Variants in EPHA5 observed in about 807,000 individuals in gnomAD.
EPHA5 encodes the protein ephrin type-A receptor 5.
EPHA5 carries 60 observed loss-of-function variants against 105.0 expected under a neutral mutation model. The ratio of observed to expected loss-of-function variants is 0.57; its 90% CI spans 0.46 to 0.71. The LOEUF (loss-of-function observed/expected upper bound fraction) is 0.71. EPHA5 is among the 30% of genes least tolerant of loss of function. EPHA5 has a pLI of 0.00. For synonymous variants in EPHA5, 513 were observed against 449.1 expected, an observed-to-expected ratio of 1.14 and a Z score of -1.80; for missense variants, 1,218 against 1,274.7, an observed-to-expected ratio of 0.96 and a Z score of 0.68.
intron 14 of EPHA5, among the ~76,000 whole-genome samples, chr4:65,339,663 ATAATTGCT>A (rs1721518745): frequency 6.6e-6 from 1 of 152,138 alleles, no homozygotes; most frequent in Admixed American, 6.5e-5. Context: ...AACAGGTAAG[ATAATTGCT>A]TATTTGCTTA....
Position 65,369,766 on chromosome 4 carries a change from A to C in EPHA5, c.1794-2342T>G, listed in dbSNP as rs1718274277. On this transcript the variant is annotated intron_variant, in intron 8 of 16. Coordinates refer to ENST00000613740, the MANE Select transcript of EPHA5 (RefSeq NM_001281766.3). ...GCAGATCCACGAGGTCAGGAGTTTG[A>C]AACCAGCCTGGCCAACACAGTGAAA... 2.0e-5 allele frequency among the ~76,000 whole-genome samples: 3 copies of C among 152,226 alleles called. No homozygotes were observed. The South Asian group carries it at 6.2e-4, about 32-fold the overall frequency.
chr4:65,490,738 A>AT, intron 4 of EPHA5, 26 bp from the exon 5 acceptor site: 1 of 1,600,288 alleles, frequency 6.2e-7, no homozygotes, highest in Non-Finnish European at 8.5e-7. Flanking sequence ...AAGTAAGAAA[A>AT]ACATATTTTA....
intron 13 of EPHA5, among the ~76,000 whole-genome samples, chr4:65,350,710 TATCA>T (rs1380425708): frequency 6.6e-6 from 1 of 152,102 alleles, no homozygotes; most frequent in Non-Finnish European, 1.5e-5. Context: ...TTATATACCA[TATCA>T]ATACAGCAAG....
At chr4:65,452,471 A>T (rs369319553) in intron 5 of EPHA5, among the ~76,000 whole-genome samples, 1 of 152,074 alleles carries the variant, frequency 6.6e-6, no homozygotes, top group East Asian at 1.9e-4. Context: ...ACATAAACAC[A>T]CACACTCCAG....
At chr4:65,460,570 C>G (rs1437394796) in intron 5 of EPHA5, among the ~76,000 whole-genome samples, 1 of 151,010 alleles carries the variant, frequency 6.6e-6, no homozygotes, top group Non-Finnish European at 1.5e-5. Context: ...GTAAAAAAGT[C>G]AAAAGTATAT....
At chr4:65,666,945 CT>C (rs886125483) in intron 1 of EPHA5, among the ~76,000 whole-genome samples, 2 of 152,030 alleles carry the variant, frequency 1.3e-5, no homozygotes, top group African/African-American at 2.4e-5. Context: ...TGTTTTAAAA[CT>C]TTTTTTCACA....
chr4:65,436,767 C>T (rs1037320108), intron 5 of EPHA5, among the ~76,000 whole-genome samples: 8 of 152,098 alleles, frequency 5.3e-5, no homozygotes, highest in African/African-American at 1.9e-4. Flanking sequence ...CATGAGACCA[C>T]TTATCCATCA....
chr4:65,624,756 G>C (rs1302108447), intron 2 of EPHA5, among the ~76,000 whole-genome samples: 1 of 152,104 alleles, frequency 6.6e-6, no homozygotes, highest in Non-Finnish European at 1.5e-5. Flanking sequence ...TCTTGATGTT[G>C]ACCCAGGAAC....
chr4:65,450,274 CAA>C (rs1290130825), intron 5 of EPHA5, among the ~76,000 whole-genome samples: 1 of 152,072 alleles, frequency 6.6e-6, no homozygotes, highest in Non-Finnish European at 1.5e-5. Flanking sequence ...ATTTAGAAAA[CAA>C]AAGCATTTAA....
rs765154417 is a variant in EPHA5, at chr4:65,420,575, A to C, written c.1403-10T>G. The C allele has an allele frequency of 6.2e-7, 1 of 1,611,500 alleles. No individual in the cohort carries two copies. The highest frequency in any genetic ancestry group is 8.5e-7 in the Non-Finnish European group (1 of 1,178,902). ...GTGACTGGAGATGGAGCTGCAAAAT[A>C]GTTTAAATAAGGAGCAGTATGATTA... is the stretch of plus-strand genomic sequence containing the variant. On this transcript the variant is annotated splice_polypyrimidine_tract_variant and intron_variant, in intron 5 of 16. Coordinates refer to ENST00000613740, the MANE Select transcript of EPHA5 (RefSeq NM_001281766.3).
intron 8 of EPHA5, among the ~76,000 whole-genome samples, chr4:65,372,519 C>CATAG (rs1192969564): frequency 6.6e-6 from 1 of 151,740 alleles, no homozygotes; most frequent in Non-Finnish European, 1.5e-5. Flanking sequence ...TTGGGTTCTT[C>CATAG]ATAGATAGAT....
In EPHA5 at chr4:65,602,080, C is replaced by T. The variant is rs568157878; in HGVS notation, c.471G>A (p.Glu157=). ...CKETFNMYYF[E]SDDQNGRNIK... is the part of the protein sequence containing the mutation. ...TGTTTCTCCCATTCTGATCATCTGA[C>T]TCAAAGTAATACATATTAAAGGTTT... The change falls in exon 3 of 17, where the codon GAG becomes GAA. Residue 157 remains glutamate (E), a synonymous_variant. Coordinates refer to ENST00000613740, the MANE Select transcript of EPHA5 (RefSeq NM_001281766.3). 6.2e-7 allele frequency: 1 copy of T among 1,613,990 alleles called. No homozygotes were observed. Among genetic ancestry groups the T allele is most frequent in the African/African-American group, 1.3e-5 (1 of 74,912 alleles).
In EPHA5 at chr4:65,603,960, G is replaced by A. The variant is rs1160631262; in HGVS notation, c.247-1656C>T. Among the ~76,000 whole-genome samples the A allele has an allele frequency of 4.0e-5, 6 of 151,846 alleles. No homozygotes were observed. In the South Asian group the frequency reaches 1.2e-3, roughly 32 times the overall value. ...ATTATGATCAATATTTCATGCAAAA[G>A]AATATGTCAACTAACCAAATAAAAT... On this transcript the variant is annotated intron_variant, in intron 2 of 16. Transcript: ENST00000613740.
intron 1 of EPHA5, among the ~76,000 whole-genome samples, chr4:65,655,895 T>A (rs1749011924): frequency 6.6e-6 from 1 of 152,042 alleles, no homozygotes; most frequent in Admixed American, 6.6e-5. Context: ...AAGTTACAAG[T>A]CAGGATTATA....
At chr4:65,337,899 T>G (rs575024322) in intron 14 of EPHA5, among the ~76,000 whole-genome samples, 4 of 152,084 alleles carry the variant, frequency 2.6e-5, no homozygotes, top group Non-Finnish European at 5.9e-5. Flanking sequence ...AATTAAATGG[T>G]CAGATAAATT....
chr4:65,525,978 C>T (rs893041621), intron 3 of EPHA5, among the ~76,000 whole-genome samples: 1 of 151,576 alleles, frequency 6.6e-6, no homozygotes, highest in Non-Finnish European at 1.5e-5. Context: ...CCAAATTACA[C>T]TCTCTGAATA....
At chr4:65,538,808 C>T (rs375208539) in intron 3 of EPHA5, among the ~76,000 whole-genome samples, 1 of 151,658 alleles carries the variant, frequency 6.6e-6, no homozygotes, top group East Asian at 1.9e-4. Context: ...ACAGATATCT[C>T]CATAAAGCTA....
At chr4:65,412,538 A>G (rs1245537678) in intron 7 of EPHA5, among the ~76,000 whole-genome samples, 1 of 152,192 alleles carries the variant, frequency 6.6e-6, no homozygotes, top group African/African-American at 2.4e-5. Flanking sequence ...CACATATATG[A>G]GTAGAAAATA....
intron 3 of EPHA5, among the ~76,000 whole-genome samples, chr4:65,534,827 G>T (rs1231392902): frequency 2.6e-5 from 4 of 152,144 alleles, no homozygotes; most frequent in African/African-American, 4.8e-5. Flanking sequence ...ATGCTTAAAT[G>T]GATATATTAT....
Sources: gnomAD v4.1 joint callset for allele counts (sites outside exome capture counted in the v4.1 genomes callset) on GRCh38, gnomAD v4.1.1 for gene constraint, MANE v1.5 for transcripts, NCBI Gene and HGNC (gene_info 2026-07-23, HGNC 2026-07-21) for gene names.